STK36: variants seen among roughly 807,000 people sequenced by gnomAD.
STK36 encodes the protein serine/threonine-protein kinase 36.
In STK36, 116 loss-of-function variants were observed where a neutral mutation model predicts 142.2. That is an observed-to-expected ratio of 0.82 (90% CI 0.70 to 0.95). The LOEUF is 0.95. Ranked by LOEUF, STK36 falls within the 40% of genes least tolerant of loss-of-function variation. The pLI, the probability that STK36 is intolerant of heterozygous loss-of-function variation, is 0.00. For missense variants in STK36, 1,422 were observed against 1,617.2 expected (o/e 0.88, Z 2.07); for synonymous variants, 619 against 641.7 (o/e 0.96, Z 0.53).
intron 24 of STK36, 100 bp downstream of exon 24, chr2:218,697,710 A>G: frequency 6.3e-7 from 1 of 1,590,878 alleles, no homozygotes; most frequent in Non-Finnish European, 8.6e-7. Flanking sequence ...TAAAGCAAGA[A>G]AGATGAGATC....
At position 218,689,896 on chromosome 2, in the gene STK36, C is replaced by T. The variant is rs1356715656; in HGVS notation, c.1598C>T (p.Ala533Val). The stretch of plus-strand genomic sequence containing the variant: ...GGGACCTTCTTACAGGACCTGATGG[C>T]TGTGATTCAGGCCTACTTTGCCTGT... ...WYGTFLQDLM[A>V]VIQAYFACTF... The change falls in exon 13 of 27, where the codon GCT becomes GTT. Residue 533 changes from alanine (A) to valine (V), a missense_variant. Transcript: ENST00000295709. 6.2e-7 allele frequency: 1 copy of T among 1,609,416 alleles called. No homozygotes were observed. The highest frequency in any genetic ancestry group is 8.5e-7 in the Non-Finnish European group (1 of 1,177,768).
rs568428404 is a variant in STK36, at chr2:218,696,416, C to T, written c.2512-111C>T. 1.1e-4 allele frequency: 98 copies of T among 889,458 alleles called. 2 individuals are homozygous for T. Among genetic ancestry groups the T allele is most frequent in the South Asian group, 1.0e-3 (71 of 71,188 alleles). The allele number at this position is 889,458 out of a possible 1,614,324, so 55.1% of individuals were successfully genotyped here. On this transcript the variant is annotated intron_variant, in intron 21 of 26. Transcript: ENST00000295709. Reference sequence around the variant, plus strand: ...CCCAGGCCCCATATATTCTACCTTCCGGTTGACTCTCAAATCTGTTCCCTC... The same window carrying T: ...CCCAGGCCCCATATATTCTACCTTCTGGTTGACTCTCAAATCTGTTCCCTC...
chr2:218,688,805 C>G lies in STK36; in HGVS notation c.1489C>G (p.Arg497Gly), dbSNP rs146493276. Residue 497 changes from arginine (R) to glycine (G), a missense_variant, in exon 12 of 27, where the codon CGG (arginine) becomes GGG (glycine). Physicochemically the swap from Arg to Gly is moderately radical, Grantham distance 125. Around this residue, in one of 2 missense-constraint regions of STK36, gnomAD observed 962 missense variants for 1,167.5 expected, o/e 0.82. Coordinates refer to ENST00000295709, the MANE Select transcript of STK36 (RefSeq NM_015690.5). ...TTCTGTTGCCTTGTATTCCTTCTGC[C>G]GGGAGGCAGGGCTTCCTGGGCTGCT... is the stretch of plus-strand genomic sequence containing the variant. ...SDSVALYSFC[R>G]EAGLPGLLLS... 1,342 of 1,613,804 alleles carry G rather than the reference C, an allele frequency of 8.3e-4. 1 individual carries two copies. The highest frequency in any genetic ancestry group is 1.0e-3 in the Non-Finnish European group (1,184 of 1,180,010).
At position 218,694,141 on chromosome 2, in the gene STK36, C is replaced by A; in HGVS notation, c.2337-123C>A. ...ACAAAGAACAGACCTAGACTCCCAT[C>A]AACTTTGTGCCTTGGAGGTAGACAT... On this transcript the variant is annotated intron_variant, in intron 19 of 26. Transcript: ENST00000295709. The surrounding 1 kb of genome is among the most constrained non-coding windows in gnomAD (Gnocchi z 4.4). 8.5e-7 allele frequency: 1 copy of A among 1,171,102 alleles called. No individual in the cohort carries two copies. The highest frequency in any genetic ancestry group is 1.3e-6 in the Non-Finnish European group (1 of 785,660). The allele number at this position is 1,171,102 out of a possible 1,614,324, so 72.5% of individuals were successfully genotyped here. A position where few individuals can be genotyped will look rare whatever the true frequency, so the allele number is the denominator to read the frequency against.
chr2:218,681,290 C>G (rs1940511065), intron 10 of STK36, among the ~76,000 whole-genome samples: 2 of 152,046 alleles, frequency 1.3e-5, no homozygotes, highest in Non-Finnish European at 2.9e-5. Flanking sequence ...CCACACGTGG[C>G]TAATTTTGGT....
At chr2:218,696,787 C>A in intron 22 of STK36, 186 bp downstream of exon 22, 1 of 899,178 alleles carries the variant, frequency 1.1e-6, no homozygotes, top group Non-Finnish European at 1.9e-6. Flanking sequence ...CCATTCGCTG[C>A]GTCCCCTGGG....
chr2:218,694,009 A>G lies in STK36; in HGVS notation c.2336+26A>G. ...GTAAGTCATAAAGTAGGGTGTCTCC[A>G]CAGAAGTCTTCTAGCCACATAGCTA... On this transcript the variant is annotated intron_variant, in intron 19 of 26. Coordinates refer to ENST00000295709, the MANE Select transcript of STK36 (RefSeq NM_015690.5). This position sits in a 1 kb window ranked among gnomAD's most constrained non-coding sequence, Gnocchi z 4.4. 6.2e-7 allele frequency: 1 copy of G among 1,609,628 alleles called. No homozygotes were observed.
At chr2:218,698,208 CCAT>C (rs1941308540) in intron 25 of STK36, among the ~76,000 whole-genome samples, 1 of 152,128 alleles carries the variant, frequency 6.6e-6, no homozygotes, top group Admixed American at 6.5e-5. Context: ...CTCCTCCTCT[CCAT>C]CAGTCCATCA....
At chr2:218,692,080 G>GT (rs1169067052) in intron 14 of STK36, 63 bp from the exon 15 acceptor site, 2 of 1,553,522 alleles carry the variant, frequency 1.3e-6, no homozygotes, top group African/African-American at 1.4e-5. Context: ...GGGTTTTCTT[G>GT]TTTTTTACAC....
At chr2:218,683,963 T>C (rs1940656784) in intron 10 of STK36, among the ~76,000 whole-genome samples, 1 of 140,622 alleles carries the variant, frequency 7.1e-6, no homozygotes, top group African/African-American at 2.9e-5. Flanking sequence ...ATGTGCCACT[T>C]TTTTTTTTTT....
chr2:218,686,409 C>A lies in STK36; in HGVS notation c.1380+1181C>A, dbSNP rs144414238. ...AGTAGCTTGGATTACAGGCGTGCAC[C>A]ACCATGCTTAGCTAATTTTTTGTAT... On this transcript the variant is annotated intron_variant, in intron 11 of 26. Transcript: ENST00000295709. 5.6e-4 allele frequency among the ~76,000 whole-genome samples: 85 copies of A among 152,176 alleles called. No homozygotes were observed. In the East Asian group the frequency reaches 0.015, roughly 28 times the overall value.
At chr2:218,693,639 C>A in intron 17 of STK36, 84 bp from the exon 18 acceptor site, 2 of 1,279,446 alleles carry the variant, frequency 1.6e-6, no homozygotes, top group Non-Finnish European at 1.1e-6. Context: ...TTTTGAGGGG[C>A]TGGCCGGTGT....
rs1941471755 is a variant in STK36, at chr2:218,702,323, C to T, written c.*314C>T. The T allele has an allele frequency of 4.6e-6, 1 of 215,312 alleles. No homozygotes were observed. Among genetic ancestry groups the T allele is most frequent in the Non-Finnish European group, 9.1e-6 (1 of 109,558 alleles). 13.3% of individuals were successfully genotyped at this position (215,312 alleles called of 1,614,324 possible). A position where few individuals can be genotyped will look rare whatever the true frequency, so the allele number is the denominator to read the frequency against. On this transcript the variant is annotated 3_prime_UTR_variant, in exon 27 of 27. Transcript: ENST00000295709. The stretch of plus-strand genomic sequence containing the variant: ...CTGCCTCACGGACCTTAGGGAAAAA[C>T]CTCAACCTGAAAGATCTCTTCCTTT...
Position 218,682,320 on chromosome 2 carries a change from G to A in STK36, c.1236+1618G>A, listed in dbSNP as rs114587880. 9.4e-3 allele frequency among the ~76,000 whole-genome samples: 1,429 copies of A among 152,130 alleles called. 28 individuals are homozygous for A. Among genetic ancestry groups the A allele is most frequent in the African/African-American group, 0.032 (1,336 of 41,486 alleles). On this transcript the variant is annotated intron_variant, in intron 10 of 26. Transcript: ENST00000295709. ...CTCTCTCTCTCCCCCTATGGACATA[G>A]CATCTTTCTGAATCATTTTAGGGTA...
At position 218,697,746 on chromosome 2, in the gene STK36, T is replaced by C. The variant is rs905500303; in HGVS notation, c.2910-108T>C. The stretch of plus-strand genomic sequence containing the variant: ...AGGTTTAGGCTGGAAACCTAAGTAG[T>C]GGCTGAGACTGTAGAAGGGGAGTTG... On this transcript the variant is annotated intron_variant, in intron 24 of 26. Transcript: ENST00000295709. 2.5e-6 allele frequency: 4 copies of C among 1,589,050 alleles called. No homozygotes were observed. The African/African-American group carries it at 5.4e-5, about 21-fold the overall frequency.
intron 25 of STK36, 30 bp from the exon 26 acceptor site, chr2:218,698,572 C>G: frequency 6.2e-7 from 1 of 1,603,006 alleles, no homozygotes; most frequent in East Asian, 2.2e-5. Context: ...TCTCTCTCTC[C>G]CTGAATCCTT....
Position 218,693,814 on chromosome 2 carries a change from A to G in STK36, c.2240A>G (p.Gln747Arg). 6.2e-7 allele frequency: 1 copy of G among 1,614,172 alleles called. No homozygotes were observed. Among genetic ancestry groups the G allele is most frequent in the Non-Finnish European group, 8.5e-7 (1 of 1,180,048 alleles). Residue 747 changes from glutamine (Q) to arginine (R), a missense_variant, in exon 18 of 27, where the codon CAG (glutamine) becomes CGG (arginine). By Grantham distance (43) the Gln-to-Arg change is conservative. This residue lies in a region of STK36 where 962 missense variants were observed against 1,167.5 expected (regional missense o/e 0.82). Coordinates refer to ENST00000295709, the MANE Select transcript of STK36 (RefSeq NM_015690.5). The part of the protein sequence containing the change: ...LALESLFMLI[Q>R]GKVKVVDWEE... The stretch of plus-strand genomic sequence containing the variant: ...TTGGAATCCCTGTTTATGTTGATTC[A>G]GGGCAAGGTAAGCCAGCTTCCCCTG...
chr2:218,678,480 A>G (rs772430985), intron 6 of STK36, among the ~76,000 whole-genome samples: 2 of 152,216 alleles, frequency 1.3e-5, no homozygotes, highest in Admixed American at 6.5e-5. Flanking sequence ...CTATGGGCAG[A>G]TACTCAGGTA....
Position 218,673,771 on chromosome 2 carries a change from C to G in STK36, c.225+6C>G. ...GCTTTGAAACTGATAAAGAGGTGTG[C>G]TTTGACAGTTTTGGGCCCTGTCTCC... On this transcript the variant is annotated splice_donor_region_variant and intron_variant, in intron 3 of 26. Coordinates refer to ENST00000295709, the MANE Select transcript of STK36 (RefSeq NM_015690.5). 6.2e-7 allele frequency: 1 copy of G among 1,613,606 alleles called. No individual in the cohort carries two copies. Among genetic ancestry groups the G allele is most frequent in the African/African-American group, 1.3e-5 (1 of 75,020 alleles).
Sources: allele counts gnomAD v4.1 joint callset (sites outside exome capture counted in the v4.1 genomes callset), GRCh38; gene constraint gnomAD v4.1.1; regional missense constraint gnomAD v4.1.1; non-coding constraint Gnocchi (gnomAD v3.1); transcripts MANE v1.5; gene names NCBI Gene and HGNC (gene_info 2026-07-23, HGNC 2026-07-21).